The following OPCML variants were observed in gnomAD, a reference collection of about 807,000 sequenced individuals.
OPCML encodes opioid binding protein/cell adhesion molecule like.
In OPCML, 13 loss-of-function variants were observed where a neutral mutation model predicts 37.8. That is an observed-to-expected ratio of 0.34 (90% confidence interval 0.22 to 0.55). The LOEUF (loss-of-function observed/expected upper bound fraction) is 0.55. OPCML is among the 20% of genes least tolerant of loss of function. OPCML has a pLI of 0.91. For synonymous variants in OPCML, 176 were observed against 168.8 expected (o/e 1.04, Z -0.33); for missense variants, 341 against 435.6 (o/e 0.78, Z 1.93).
intron 1 of OPCML, among the ~76,000 whole-genome samples, chr11:132,990,538 G>A (rs1946756395): frequency 1.3e-5 from 2 of 152,202 alleles, no homozygotes; most frequent in Non-Finnish European, 2.9e-5. Context: ...ATATGAGAGA[G>A]CTGAGGTCAG....
intron 1 of OPCML, among the ~76,000 whole-genome samples, chr11:133,444,110 T>C (rs1186588512): frequency 6.6e-6 from 1 of 152,026 alleles, no homozygotes; most frequent in Non-Finnish European, 1.5e-5. Flanking sequence ...GACACGGCCT[T>C]TTCTAAATGC....
intron 1 of OPCML, among the ~76,000 whole-genome samples, chr11:133,035,455 C>A (rs558421470): frequency 6.6e-6 from 1 of 152,272 alleles, no homozygotes; most frequent in South Asian, 2.1e-4. Context: ...AGACTCCTCA[C>A]ATAAAAAAGG....
At chr11:132,668,467 G>C (rs1360557724) in intron 2 of OPCML, among the ~76,000 whole-genome samples, 1 of 152,140 alleles carries the variant, frequency 6.6e-6, no homozygotes. Flanking sequence ...TGGGATGAAC[G>C]TATTTTCCTC....
At chr11:132,732,944 G>A (rs1044613583) in intron 2 of OPCML, among the ~76,000 whole-genome samples, 2 of 152,184 alleles carry the variant, frequency 1.3e-5, no homozygotes, top group African/African-American at 4.8e-5. Flanking sequence ...ATTGAGGGCA[G>A]AATGATTAAA....
intron 1 of OPCML, among the ~76,000 whole-genome samples, chr11:133,055,405 A>C (rs74768800): frequency 1.2e-3 from 124 of 103,922 alleles, no homozygotes; most frequent in Middle Eastern, 9.3e-3. Flanking sequence ...CATGAGGGAG[A>C]CGCCTCTACC....
chr11:133,412,586 GA>G (rs1457264511), intron 1 of OPCML, among the ~76,000 whole-genome samples: 1 of 152,152 alleles, frequency 6.6e-6, no homozygotes, highest in Non-Finnish European at 1.5e-5. Context: ...CTATGAATGA[GA>G]ACTTGTCGCA....
chr11:132,528,664 T>A (rs1184761576), intron 4 of OPCML, among the ~76,000 whole-genome samples: 1 of 152,168 alleles, frequency 6.6e-6, no homozygotes, highest in Non-Finnish European at 1.5e-5. Context: ...AGCAAGGAGA[T>A]CCTTTTACTC....
chr11:133,148,428 A>T (rs886432922), intron 1 of OPCML, among the ~76,000 whole-genome samples: 1 of 152,198 alleles, frequency 6.6e-6, no homozygotes, highest in African/African-American at 2.4e-5. Flanking sequence ...TGGTAAATGG[A>T]AATGATGGCT....
intron 4 of OPCML, among the ~76,000 whole-genome samples, chr11:132,466,271 G>T (rs1339206530): frequency 1.3e-5 from 2 of 150,818 alleles, no homozygotes; most frequent in African/African-American, 4.9e-5. Context: ...GGATCACGAG[G>T]TCAGGAGATC....
At chr11:132,738,365 T>C (rs1359946675) in intron 2 of OPCML, among the ~76,000 whole-genome samples, 7 of 152,212 alleles carry the variant, frequency 4.6e-5, no homozygotes, top group Admixed American at 4.6e-4. Flanking sequence ...TAGATTACAT[T>C]CTTTGGTCTA....
intron 3 of OPCML, among the ~76,000 whole-genome samples, chr11:132,550,464 G>A (rs990727355): frequency 2.0e-5 from 3 of 152,086 alleles, no homozygotes; most frequent in Admixed American, 1.3e-4. Flanking sequence ...TGAAGTGCTC[G>A]GGCTTTGCCT....
At chr11:133,501,048 C>A (rs1293398543) in intron 1 of OPCML, among the ~76,000 whole-genome samples, 1 of 152,150 alleles carries the variant, frequency 6.6e-6, no homozygotes, top group Non-Finnish European at 1.5e-5. Flanking sequence ...GCAGCTCCAG[C>A]ACCACTAGCC....
intron 1 of OPCML, among the ~76,000 whole-genome samples, chr11:133,501,610 G>C (rs1212292011): frequency 2.0e-5 from 3 of 151,956 alleles, no homozygotes; most frequent in African/African-American, 7.3e-5. Context: ...ACCCCAATTG[G>C]CTTGATAAGG....
chr11:132,582,854 T>TTC, intron 3 of OPCML, among the ~76,000 whole-genome samples: 1 of 148,304 alleles, frequency 6.7e-6, no homozygotes, highest in Admixed American at 6.7e-5. Flanking sequence ...AGGTTTTTTT[T>TTC]TTTTTTTTTT....
intron 1 of OPCML, among the ~76,000 whole-genome samples, chr11:133,077,553 T>C (rs917971844): frequency 1.3e-5 from 2 of 152,182 alleles, no homozygotes; most frequent in African/African-American, 2.4e-5. Flanking sequence ...TTTTAATTAC[T>C]ATAAATAACT....
chr11:133,307,519 C>T (rs1226498745), intron 1 of OPCML, among the ~76,000 whole-genome samples: 2 of 152,118 alleles, frequency 1.3e-5, no homozygotes, highest in Non-Finnish European at 2.9e-5. Flanking sequence ...ACTGCACTTG[C>T]CCTTTCTTTT....
At position 133,070,728 on chromosome 11, in the gene OPCML, C is replaced by G. The variant is rs73588575; in HGVS notation, c.62-127718G>C. Reference sequence around the variant, plus strand: ...TAATATTATAATTAGTTCCCATTGCCTGGGTTCATACTGGCTGGGTGGTCT... The same window carrying G: ...TAATATTATAATTAGTTCCCATTGCGTGGGTTCATACTGGCTGGGTGGTCT... On this transcript the variant is annotated intron_variant, in intron 1 of 7. Transcript: ENST00000524381. Among the ~76,000 whole-genome samples the G allele has an allele frequency of 7.1e-3, 1,076 of 152,188 alleles. 12 individuals carry two copies. Among genetic ancestry groups the G allele is most frequent in the African/African-American group, 0.022 (925 of 41,516 alleles).
chr11:132,621,659 G>A (rs1024070760), intron 3 of OPCML, among the ~76,000 whole-genome samples: 1 of 152,130 alleles, frequency 6.6e-6, no homozygotes, highest in Non-Finnish European at 1.5e-5. Flanking sequence ...CTGGAACAAT[G>A]CAATGTGTTA....
chr11:133,003,571 C>T (rs369226645), intron 1 of OPCML: 33 of 851,000 alleles, frequency 3.9e-5, no homozygotes, highest in African/African-American at 9.2e-5. Flanking sequence ...TATAAACATT[C>T]GCAAGTTCCA....
Sources: gnomAD v4.1 joint callset for allele counts (sites outside exome capture counted in the v4.1 genomes callset) on GRCh38, gnomAD v4.1.1 for gene constraint, MANE v1.5 for transcripts, NCBI Gene and HGNC (gene_info 2026-07-23, HGNC 2026-07-21) for gene names.